The following TMEM108 variants were observed in gnomAD, a reference collection of about 807,000 sequenced individuals.
The protein encoded by TMEM108 is transmembrane protein 108, also known as cancer/testis antigen 124.
A neutral mutation model predicts 35.1 loss-of-function variants in TMEM108; 12 were observed. The observed-to-expected ratio is 0.34, with a 90% confidence interval of 0.22 to 0.55. The LOEUF (loss-of-function observed/expected upper bound fraction) is 0.55, where lower values mean the gene tolerates loss of function less well. TMEM108 is among the 20% of genes least tolerant of loss of function. TMEM108 has a pLI of 0.89. For synonymous variants in TMEM108, 287 were observed against 308.6 expected, an observed-to-expected ratio of 0.93 and a Z score of 0.73; for missense variants, 680 against 753.3, an observed-to-expected ratio of 0.90 and a Z score of 1.14.
chr3:133,075,846 TAAG>T (rs1943732655), intron 2 of TMEM108, among the ~76,000 whole-genome samples: 1 of 152,062 alleles, frequency 6.6e-6, no homozygotes, highest in Non-Finnish European at 1.5e-5. Flanking sequence ...GTGAATCAAA[TAAG>T]AAGTAGTAGA....
At chr3:133,358,017 G>A (rs1448306472) in intron 3 of TMEM108, among the ~76,000 whole-genome samples, 1 of 152,136 alleles carries the variant, frequency 6.6e-6, no homozygotes, top group African/African-American at 2.4e-5. Context: ...TTGCCCAGTT[G>A]TTACATGAAA....
At chr3:133,249,872 G>A (rs1946443016) in intron 3 of TMEM108, among the ~76,000 whole-genome samples, 1 of 152,154 alleles carries the variant, frequency 6.6e-6, no homozygotes, top group Non-Finnish European at 1.5e-5. Flanking sequence ...GGTAATTTAA[G>A]TGACTATCAT....
intron 2 of TMEM108, among the ~76,000 whole-genome samples, chr3:133,219,746 T>G (rs1945960182): frequency 6.6e-6 from 1 of 152,158 alleles, no homozygotes; most frequent in South Asian, 2.1e-4. Context: ...TTGTGTTATA[T>G]ATAGTCTATC....
At chr3:133,215,587 C>T (rs1364579273) in intron 2 of TMEM108, among the ~76,000 whole-genome samples, 1 of 151,718 alleles carries the variant, frequency 6.6e-6, no homozygotes, top group African/African-American at 2.4e-5. Flanking sequence ...GGATATTAAC[C>T]CCTTGCCTGT....
At chr3:133,334,784 G>T (rs981196167) in intron 3 of TMEM108, among the ~76,000 whole-genome samples, 1 of 152,188 alleles carries the variant, frequency 6.6e-6, no homozygotes, top group Non-Finnish European at 1.5e-5. Context: ...ATTTTTAAAT[G>T]ACATTTTAGG....
chr3:133,101,002 AT>A (rs200849901), intron 2 of TMEM108, among the ~76,000 whole-genome samples: 11 of 152,094 alleles, frequency 7.2e-5, no homozygotes, highest in Admixed American at 2.0e-4. Context: ...ACATTTCCTC[AT>A]TGTCACATAC....
intron 3 of TMEM108, among the ~76,000 whole-genome samples, chr3:133,354,438 C>A (rs559425888): frequency 1.3e-5 from 2 of 152,324 alleles, no homozygotes; most frequent in African/African-American, 4.8e-5. Context: ...CATTGAATCG[C>A]TCAGCCCCAT....
chr3:133,316,492 T>A (rs2071200919), intron 3 of TMEM108, among the ~76,000 whole-genome samples: 1 of 152,234 alleles, frequency 6.6e-6, no homozygotes, highest in African/African-American at 2.4e-5. Context: ...GAAAGTGTGC[T>A]GTACTATCAC....
At chr3:133,393,050 CCCA>C (rs1446623428) in intron 5 of TMEM108, among the ~76,000 whole-genome samples, 9 of 152,204 alleles carry the variant, frequency 5.9e-5, no homozygotes, top group African/African-American at 1.9e-4. Flanking sequence ...CACCTGAGCC[CCCA>C]CCACACTTCC....
chr3:133,051,875 A>G (rs1401446609), intron 2 of TMEM108, among the ~76,000 whole-genome samples: 1 of 152,138 alleles, frequency 6.6e-6, no homozygotes, highest in Non-Finnish European at 1.5e-5. Context: ...TATTTTATCA[A>G]TACCATACTG....
intron 3 of TMEM108, among the ~76,000 whole-genome samples, chr3:133,245,348 C>G (rs187308029): frequency 1.0e-3 from 154 of 152,228 alleles, no homozygotes; most frequent in African/African-American, 3.7e-3. Context: ...TGTTCTTTTC[C>G]TTCTTCAAGC....
At chr3:133,120,604 G>T (rs993256936) in intron 2 of TMEM108, among the ~76,000 whole-genome samples, 26 of 152,074 alleles carry the variant, frequency 1.7e-4, no homozygotes, top group Non-Finnish European at 2.4e-4. Context: ...CTTTATGTTT[G>T]TGTCTAATTT....
At chr3:133,158,629 A>G (rs1396913227) in intron 2 of TMEM108, among the ~76,000 whole-genome samples, 1 of 152,146 alleles carries the variant, frequency 6.6e-6, no homozygotes, top group Non-Finnish European at 1.5e-5. Flanking sequence ...TGCCATGCAT[A>G]GTGAAGTGTG....
At chr3:133,262,126 C>T (rs919802948) in intron 3 of TMEM108, among the ~76,000 whole-genome samples, 2 of 152,206 alleles carry the variant, frequency 1.3e-5, no homozygotes, top group Admixed American at 1.3e-4. Flanking sequence ...AGCATAGTCT[C>T]ATACACTCAT....
chr3:133,275,212 GT>G (rs1559889435), intron 3 of TMEM108, among the ~76,000 whole-genome samples: 1 of 152,104 alleles, frequency 6.6e-6, no homozygotes, highest in Admixed American at 6.6e-5. Context: ...GAAAATGGGA[GT>G]TTTTTCCTTA....
At chr3:133,371,547 C>T (rs2072671653) in intron 3 of TMEM108, among the ~76,000 whole-genome samples, 2 of 143,218 alleles carry the variant, frequency 1.4e-5, no homozygotes, top group Non-Finnish European at 3.0e-5. Context: ...CAAGAAGTAG[C>T]CATACCACCT....
chr3:133,080,851 A>T (rs1943800562), intron 2 of TMEM108, among the ~76,000 whole-genome samples: 1 of 152,152 alleles, frequency 6.6e-6, no homozygotes, highest in Admixed American at 6.6e-5. Flanking sequence ...GCGTGAATGA[A>T]AGCTTAGTCT....
At chr3:133,360,712 C>T (rs1238163736) in intron 3 of TMEM108, among the ~76,000 whole-genome samples, 2 of 152,126 alleles carry the variant, frequency 1.3e-5, no homozygotes, top group South Asian at 2.1e-4. Context: ...TTTCTGGAAC[C>T]TTGCCAATTC....
intron 3 of TMEM108, among the ~76,000 whole-genome samples, chr3:133,285,360 A>G (rs1946969209): frequency 6.6e-6 from 1 of 152,178 alleles, no homozygotes; most frequent in African/African-American, 2.4e-5. Context: ...GTGGAAGATA[A>G]TTTATTTTTT....
Sources: gnomAD v4.1 joint callset for allele counts (sites outside exome capture counted in the v4.1 genomes callset) on GRCh38, gnomAD v4.1.1 for gene constraint, MANE v1.5 for transcripts, NCBI Gene and HGNC (gene_info 2026-07-23, HGNC 2026-07-21) for gene names.